NRG1: variants seen among roughly 807,000 people sequenced by gnomAD.
NRG1 encodes neuregulin 1.
NRG1 carries 18 observed loss-of-function variants against 63.8 expected under a neutral mutation model. The ratio of observed to expected loss-of-function variants is 0.28; its 90% CI spans 0.19 to 0.42. The LOEUF (loss-of-function observed/expected upper bound fraction) is 0.42. Among genes scored for constraint, NRG1 ranks in the 10% least tolerant of loss-of-function variants. The probability of loss-of-function intolerance (pLI) is 1.00; values close to 1 mark genes in which losing one functional copy is unlikely to be tolerated. For missense variants in NRG1, 762 were observed against 814.7 expected (o/e 0.94, Z 0.79); for synonymous variants, 302 against 301.3 (o/e 1.00, Z -0.02).
intron 1 of NRG1, among the ~76,000 whole-genome samples, chr8:31,842,337 T>C (rs1203703351): frequency 6.6e-6 from 1 of 152,220 alleles, no homozygotes; most frequent in Admixed American, 6.5e-5. Context: ...CAAGCTTGTT[T>C]TAGGTCATGT....
chr8:32,074,502 TTGTCTTTCTG>T (rs1229297409), intron 1 of NRG1, among the ~76,000 whole-genome samples: 1 of 152,214 alleles, frequency 6.6e-6, no homozygotes, highest in African/African-American at 2.4e-5. Flanking sequence ...AATTTTCCTT[TTGTCTTTCTG>T]TAAATGGAAC....
intron 1 of NRG1, among the ~76,000 whole-genome samples, chr8:32,517,476 G>A (rs751453852): frequency 3.9e-5 from 6 of 152,048 alleles, no homozygotes; most frequent in Admixed American, 6.6e-5. Context: ...AGGAGGCCCC[G>A]TGGAAAAAGC....
intron 1 of NRG1, among the ~76,000 whole-genome samples, chr8:31,761,315 G>T (rs1188851168): frequency 6.6e-6 from 1 of 151,432 alleles, no homozygotes; most frequent in Non-Finnish European, 1.5e-5. Flanking sequence ...GGTGAGGGGA[G>T]TGGGGAGGGA....
At chr8:32,316,472 CAA>C (rs60206972) in intron 1 of NRG1, among the ~76,000 whole-genome samples, 384 of 125,230 alleles carry the variant, frequency 3.1e-3, no homozygotes, top group South Asian at 9.1e-3. Flanking sequence ...GAGACTCCAT[CAA>C]AAAAAAAAAA....
chr8:32,181,044 G>GT (rs1483877204), intron 1 of NRG1, among the ~76,000 whole-genome samples: 1 of 152,106 alleles, frequency 6.6e-6, no homozygotes, highest in East Asian at 1.9e-4. Flanking sequence ...TAATGTAATG[G>GT]TGCTGTTCAT....
At chr8:32,558,292 T>C (rs1471501434) in intron 1 of NRG1, among the ~76,000 whole-genome samples, 1 of 152,214 alleles carries the variant, frequency 6.6e-6, no homozygotes, top group African/African-American at 2.4e-5. Flanking sequence ...GAATAAATAT[T>C]ATGCATTCGG....
rs552416436 is a variant in NRG1, at chr8:32,007,934, C to T, written c.37+368503C>T. On this transcript the variant is annotated intron_variant, in intron 1 of 10. Transcript: ENST00000519301. ...ACTGTGATTTATTCCCTACTCAGTG[C>T]CCATCCCCCACTCCAAAGCCCTACA... Among the ~76,000 whole-genome samples, 47 of 151,998 alleles carry T rather than the reference C, an allele frequency of 3.1e-4. 1 individual carries two copies. The highest frequency in any genetic ancestry group is 1.1e-3 in the African/African-American group (44 of 41,488).
At chr8:31,679,170 C>T (rs902451835) in intron 1 of NRG1, among the ~76,000 whole-genome samples, 4 of 151,922 alleles carry the variant, frequency 2.6e-5, no homozygotes, top group Non-Finnish European at 5.9e-5. Context: ...TCCCTCAGTT[C>T]TCTTTTCACC....
chr8:32,136,150 G>A (rs1212577231), intron 1 of NRG1, among the ~76,000 whole-genome samples: 1 of 152,154 alleles, frequency 6.6e-6, no homozygotes, highest in African/African-American at 2.4e-5. Flanking sequence ...CCAGAGCAAA[G>A]GCAGGTTCAG....
chr8:31,968,965 A>G (rs1231466651), intron 1 of NRG1, among the ~76,000 whole-genome samples: 2 of 152,210 alleles, frequency 1.3e-5, no homozygotes, highest in Non-Finnish European at 2.9e-5. Context: ...TGCTCACAGC[A>G]TCTCATCTCC....
intron 1 of NRG1, among the ~76,000 whole-genome samples, chr8:31,715,407 C>G (rs1443222002): frequency 1.3e-5 from 2 of 152,266 alleles, no homozygotes; most frequent in African/African-American, 4.8e-5. Flanking sequence ...TCAGAGTTCA[C>G]TTGAATGCAT....
chr8:32,233,563 A>ATATATTTTT (rs34593729), intron 1 of NRG1, among the ~76,000 whole-genome samples: 20 of 67,258 alleles, frequency 3.0e-4, no homozygotes, highest in Admixed American at 1.1e-3. Context: ...ATATATATAT[A>ATATATTTTT]TTTTTTTTTT....
intron 1 of NRG1, among the ~76,000 whole-genome samples, chr8:31,766,760 C>T (rs1010726299): frequency 6.6e-6 from 1 of 151,864 alleles, no homozygotes. Context: ...TGAGTTTTTC[C>T]CTCTTAATTA....
intron 5 of NRG1, among the ~76,000 whole-genome samples, chr8:32,667,671 C>A (rs1393324517): frequency 6.6e-6 from 1 of 152,054 alleles, no homozygotes; most frequent in East Asian, 1.9e-4. Context: ...ATCTAGAGAG[C>A]TAGAGCAGAG....
chr8:32,371,156 G>C (rs559804691), intron 1 of NRG1, among the ~76,000 whole-genome samples: 1 of 152,110 alleles, frequency 6.6e-6, no homozygotes, highest in African/African-American at 2.4e-5. Context: ...AATTTGCAGC[G>C]AGCCGAGATT....
At chr8:32,253,656 T>C (rs548228626) in intron 1 of NRG1, among the ~76,000 whole-genome samples, 1 of 152,284 alleles carries the variant, frequency 6.6e-6, no homozygotes, top group African/African-American at 2.4e-5. Context: ...CATTTTCTTT[T>C]TTTGTTTTGC....
In NRG1 at chr8:31,938,931, C is replaced by T. The variant is rs1801347243; in HGVS notation, c.37+299500C>T. Among the ~76,000 whole-genome samples, 4 of 152,168 alleles carry T rather than the reference C, an allele frequency of 2.6e-5. No individual in the cohort carries two copies. The South Asian group carries it at 8.3e-4, about 32-fold the overall frequency. ...TTGGGACTATGTTAAATGTCCCAAC[C>T]TAAGAATAACTAGTGTTCCCGAGGA... is the stretch of plus-strand genomic sequence containing the variant. On this transcript the variant is annotated intron_variant, in intron 1 of 10. Coordinates refer to the NRG1 transcript ENST00000519301.
chr8:32,588,483 C>T (rs1238727137), intron 1 of NRG1, among the ~76,000 whole-genome samples: 1 of 152,170 alleles, frequency 6.6e-6, no homozygotes, highest in Non-Finnish European at 1.5e-5. Context: ...CAAAATGAAG[C>T]ACTAGTAAGA....
At chr8:32,548,558 C>T in exon 1 of NRG1, 1 of 1,263,012 alleles carries the variant, frequency 7.9e-7, no homozygotes, top group Non-Finnish European at 9.9e-7. Context: ...GCGTCCGCGC[C>T]GCGCTCCCTG....
Sources: gnomAD v4.1 joint callset for allele counts (sites outside exome capture counted in the v4.1 genomes callset) on GRCh38, gnomAD v4.1.1 for gene constraint, MANE v1.5 for transcripts, NCBI Gene and HGNC (gene_info 2026-07-23, HGNC 2026-07-21) for gene names.